The following SLC24A3 variants were observed in gnomAD, a reference collection of about 807,000 sequenced individuals.
SLC24A3 encodes the protein sodium/potassium/calcium exchanger 3.
SLC24A3 carries 28 observed loss-of-function variants against 75.8 expected under a neutral mutation model. The observed-to-expected ratio is 0.37, with a 90% CI of 0.27 to 0.51. The LOEUF (loss-of-function observed/expected upper bound fraction) is 0.51, where lower values mean the gene tolerates loss of function less well. SLC24A3 is among the 20% of genes least tolerant of loss of function. The pLI is 0.94. For missense variants in SLC24A3, 663 were observed against 847.8 expected, an observed-to-expected ratio of 0.78 and a Z score of 2.71; for synonymous variants, 372 against 334.1, an observed-to-expected ratio of 1.11 and a Z score of -1.24.
chr20:19,375,408 G>T (rs576455910), intron 2 of SLC24A3, among the ~76,000 whole-genome samples: 4 of 152,236 alleles, frequency 2.6e-5, no homozygotes, highest in South Asian at 2.1e-4. Context: ...ATCATGAACC[G>T]CACGGATCAG....
At chr20:19,612,114 T>C (rs1215115000) in intron 6 of SLC24A3, among the ~76,000 whole-genome samples, 2 of 152,182 alleles carry the variant, frequency 1.3e-5, no homozygotes, top group African/African-American at 4.8e-5. Flanking sequence ...TACTTGACAG[T>C]CTCAAATATG....
intron 13 of SLC24A3, chr20:19,694,792 C>T (rs1468904017): frequency 6.6e-6 from 1 of 152,290 alleles, no homozygotes; most frequent in East Asian, 1.9e-4. Context: ...CTAGGAGAAG[C>T]CGGAGACCTG....
intron 2 of SLC24A3, among the ~76,000 whole-genome samples, chr20:19,370,804 C>G (rs1246495482): frequency 6.6e-6 from 1 of 152,118 alleles, no homozygotes; most frequent in Non-Finnish European, 1.5e-5. Flanking sequence ...AAGACTTCAT[C>G]ATGGGAGTTC....
chr20:19,453,962 G>A (rs1217432529), intron 2 of SLC24A3, among the ~76,000 whole-genome samples: 1 of 152,222 alleles, frequency 6.6e-6, no homozygotes, highest in Non-Finnish European at 1.5e-5. Context: ...GAGCTAAACA[G>A]CGCCAACACT....
At chr20:19,452,726 T>C (rs1312641413) in intron 2 of SLC24A3, among the ~76,000 whole-genome samples, 3 of 151,834 alleles carry the variant, frequency 2.0e-5, no homozygotes, top group African/African-American at 7.3e-5. Flanking sequence ...AGCAAGGTGA[T>C]TTATGGTTGG....
intron 3 of SLC24A3, among the ~76,000 whole-genome samples, chr20:19,551,048 A>C (rs902556352): frequency 1.3e-4 from 20 of 152,348 alleles, no homozygotes; most frequent in African/African-American, 4.8e-4. Flanking sequence ...ATAGTGGCCT[A>C]ACTCCTAGAT....
At chr20:19,337,679 C>T (rs1385478755) in intron 2 of SLC24A3, among the ~76,000 whole-genome samples, 4 of 152,092 alleles carry the variant, frequency 2.6e-5, no homozygotes, top group Admixed American at 6.6e-5. Context: ...AAAACATGGT[C>T]GTTTCTAACG....
chr20:19,304,214 A>G (rs1984266258), intron 2 of SLC24A3, among the ~76,000 whole-genome samples: 1 of 152,214 alleles, frequency 6.6e-6, no homozygotes, highest in Non-Finnish European at 1.5e-5. Context: ...TTACCAAAAG[A>G]TGTTCTAATT....
At chr20:19,495,470 G>T (rs1343887625) in intron 2 of SLC24A3, among the ~76,000 whole-genome samples, 1 of 152,138 alleles carries the variant, frequency 6.6e-6, no homozygotes, top group Non-Finnish European at 1.5e-5. Flanking sequence ...AGACATGAAC[G>T]CCTCGCTCTG....
At chr20:19,466,038 A>G (rs1987760438) in intron 2 of SLC24A3, among the ~76,000 whole-genome samples, 2 of 152,220 alleles carry the variant, frequency 1.3e-5, no homozygotes, top group African/African-American at 4.8e-5. Context: ...TTCCTTGTGA[A>G]CTGCCCAAGG....
At chr20:19,438,570 C>A (rs931153846) in intron 2 of SLC24A3, among the ~76,000 whole-genome samples, 7 of 152,062 alleles carry the variant, frequency 4.6e-5, no homozygotes. Flanking sequence ...CTGCACCTAG[C>A]ACCCCTACAT....
Position 19,239,486 on chromosome 20 carries a change from AC to A in SLC24A3, c.142+26503del, listed in dbSNP as rs559473580. ...CGGGCAACTGGAAGGGGCCAGCTGA[AC>A]ACAAGAGGCACTGGGTGCTGTTGGA... On this transcript the variant is annotated intron_variant, in intron 1 of 16. Coordinates refer to ENST00000328041, the MANE Select transcript of SLC24A3 (RefSeq NM_020689.4). Among the ~76,000 whole-genome samples the A allele has an allele frequency of 2.6e-3, 394 of 152,300 alleles. 1 individual carries two copies. The highest frequency in any genetic ancestry group is 4.8e-3 in the Admixed American group (73 of 15,304).
At chr20:19,567,454 C>T (rs2030976829) in intron 3 of SLC24A3, among the ~76,000 whole-genome samples, 1 of 152,120 alleles carries the variant, frequency 6.6e-6, no homozygotes, top group Admixed American at 6.5e-5. Flanking sequence ...GAGTTAAACA[C>T]TGAGTACACA....
At chr20:19,598,683 G>A (rs1425973857) in intron 6 of SLC24A3, among the ~76,000 whole-genome samples, 2 of 152,068 alleles carry the variant, frequency 1.3e-5, no homozygotes, top group Non-Finnish European at 2.9e-5. Context: ...GCAGCTGGGG[G>A]ACTCAAGGCG....
intron 2 of SLC24A3, among the ~76,000 whole-genome samples, chr20:19,461,529 CTTTTTTTTTTTTT>C (rs11468628): frequency 9.9e-6 from 1 of 101,426 alleles, no homozygotes; most frequent in South Asian, 3.8e-4. Flanking sequence ...TCTTTTTTTT[CTTTTTTTTTTTTT>C]TTTTTTTTGA....
Position 19,508,381 on chromosome 20 carries a change from T to C in SLC24A3, c.272-7107T>C, listed in dbSNP as rs908445806. On this transcript the variant is annotated intron_variant, in intron 2 of 16. Transcript: ENST00000328041. ...TGATGGCTGCAGCAGCCCATGTTCC[T>C]TTTGCTCAGACATGTTAAGGGAGCC... Among the ~76,000 whole-genome samples the C allele has an allele frequency of 4.6e-5, 7 of 152,308 alleles. 1 individual carries two copies. The highest frequency in any genetic ancestry group is 1.3e-4 in the Admixed American group (2 of 15,298).
At position 19,662,498 on chromosome 20, in the gene SLC24A3, C is replaced by T. The variant is rs145738786; in HGVS notation, c.688-3366C>T. On this transcript the variant is annotated intron_variant, in intron 7 of 16. Transcript: ENST00000328041. Reference sequence around the variant, plus strand: ...CCTTCCAGGAGATTTAATAGAACTGCGAAAATGGACTTGAACTGACTTCAT... The same window carrying T: ...CCTTCCAGGAGATTTAATAGAACTGTGAAAATGGACTTGAACTGACTTCAT... Among the ~76,000 whole-genome samples, 33 of 152,318 alleles carry T rather than the reference C, an allele frequency of 2.2e-4. No individual in the cohort carries two copies. In the Middle Eastern group the frequency reaches 0.014, roughly 63 times the overall value.
intron 2 of SLC24A3, among the ~76,000 whole-genome samples, chr20:19,512,862 T>G (rs2029910011): frequency 6.6e-6 from 1 of 152,238 alleles, no homozygotes; most frequent in South Asian, 2.1e-4. Flanking sequence ...GTACCCACTG[T>G]ACCCCTCGTT....
chr20:19,406,862 C>G (rs11699384), intron 2 of SLC24A3, among the ~76,000 whole-genome samples: 1,932 of 152,234 alleles, frequency 0.013, 19 homozygotes, highest in Middle Eastern at 0.034. Flanking sequence ...TATTGCACCC[C>G]ATTTATGAGG....
Sources: allele counts gnomAD v4.1 joint callset (sites outside exome capture counted in the v4.1 genomes callset), GRCh38; gene constraint gnomAD v4.1.1; transcripts MANE v1.5; gene names NCBI Gene and HGNC (gene_info 2026-07-23, HGNC 2026-07-21).